Variants in IMMP2L observed in about 807,000 individuals in gnomAD.
The protein encoded by IMMP2L is mitochondrial inner membrane protease subunit 2.
A neutral mutation model predicts 19.3 loss-of-function variants in IMMP2L; 18 were observed. The observed-to-expected ratio is 0.93, with a 90% confidence interval of 0.64 to 1.38. The LOEUF (loss-of-function observed/expected upper bound fraction) is 1.38, where lower values mean the gene tolerates loss of function less well. Ranked by LOEUF, IMMP2L falls within the 40% of genes most tolerant of loss-of-function variation. IMMP2L has a pLI of 0.00. For synonymous variants in IMMP2L, 76 were observed against 73.0 expected, an observed-to-expected ratio of 1.04 and a Z score of -0.21; for missense variants, 233 against 218.2, an observed-to-expected ratio of 1.07 and a Z score of -0.43.
At chr7:111,096,296 A>G (rs1447673070) in intron 3 of IMMP2L, among the ~76,000 whole-genome samples, 1 of 151,768 alleles carries the variant, frequency 6.6e-6, no homozygotes, top group African/African-American at 2.4e-5. Flanking sequence ...TCCAGAGAGT[A>G]GAAGAAAATA....
chr7:110,763,562 C>T (rs1442786003), intron 5 of IMMP2L, among the ~76,000 whole-genome samples: 2 of 152,134 alleles, frequency 1.3e-5, no homozygotes, highest in African/African-American at 4.8e-5. Flanking sequence ...CCCACCTGAA[C>T]ACTACTAAAT....
intron 5 of IMMP2L, among the ~76,000 whole-genome samples, chr7:110,696,425 C>CTTTTTTTTTTT (rs374621101): frequency 1.1e-4 from 13 of 119,842 alleles, no homozygotes; most frequent in Non-Finnish European, 1.5e-4. Context: ...TCCTTTTTCT[C>CTTTTTTTTTTT]TTTTTTTTTT....
chr7:110,685,509 GC>G (rs1347036545), intron 5 of IMMP2L, among the ~76,000 whole-genome samples: 1 of 152,118 alleles, frequency 6.6e-6, no homozygotes, highest in East Asian at 1.9e-4. Flanking sequence ...GAAAATAGCT[GC>G]ATTATATCAT....
intron 3 of IMMP2L, among the ~76,000 whole-genome samples, chr7:111,466,475 A>G (rs542875206): frequency 1.4e-4 from 21 of 152,260 alleles, no homozygotes; most frequent in African/African-American, 4.8e-4. Flanking sequence ...AACACACACA[A>G]AACTTATTTA....
intron 3 of IMMP2L, among the ~76,000 whole-genome samples, chr7:111,223,069 T>C (rs73201090): frequency 2.6e-5 from 4 of 151,900 alleles, no homozygotes; most frequent in Non-Finnish European, 4.4e-5. Context: ...CAAAATGACA[T>C]AGAATGATAC....
chr7:111,068,989 C>A (rs1794736628), intron 3 of IMMP2L, among the ~76,000 whole-genome samples: 1 of 152,140 alleles, frequency 6.6e-6, no homozygotes, highest in South Asian at 2.1e-4. Context: ...ACTCAGCACT[C>A]AGTCTCCTTA....
chr7:110,983,974 G>A (rs1159800184), intron 3 of IMMP2L, among the ~76,000 whole-genome samples: 2 of 151,940 alleles, frequency 1.3e-5, no homozygotes, highest in Non-Finnish European at 2.9e-5. Flanking sequence ...CCCTATCTCA[G>A]CCAGTCATTA....
intron 1 of IMMP2L, among the ~76,000 whole-genome samples, chr7:111,521,930 C>T (rs1291564081): frequency 6.6e-6 from 1 of 152,056 alleles, no homozygotes; most frequent in African/African-American, 2.4e-5. Flanking sequence ...GGATATAATT[C>T]TTGGTTGCAC....
chr7:111,048,105 T>G (rs1817081807), intron 3 of IMMP2L, among the ~76,000 whole-genome samples: 1 of 151,194 alleles, frequency 6.6e-6, no homozygotes, highest in Non-Finnish European at 1.5e-5. Flanking sequence ...CCGGGCGTGG[T>G]GGCAGGCACC....
At chr7:111,414,908 T>G (rs1325451741) in intron 3 of IMMP2L, among the ~76,000 whole-genome samples, 2 of 151,840 alleles carry the variant, frequency 1.3e-5, no homozygotes, top group Non-Finnish European at 2.9e-5. Flanking sequence ...TCCTGCCCAC[T>G]GGTGCACACA....
intron 3 of IMMP2L, among the ~76,000 whole-genome samples, chr7:111,467,975 G>A (rs909221907): frequency 6.6e-6 from 1 of 152,076 alleles, no homozygotes; most frequent in Non-Finnish European, 1.5e-5. Flanking sequence ...TTGCACTTTA[G>A]AGAACTAACA....
intron 3 of IMMP2L, among the ~76,000 whole-genome samples, chr7:110,973,192 A>T (rs1563124743): frequency 6.6e-6 from 1 of 152,110 alleles, no homozygotes; most frequent in Non-Finnish European, 1.5e-5. Flanking sequence ...TATACACACA[A>T]AAAGATAAAT....
intron 3 of IMMP2L, among the ~76,000 whole-genome samples, chr7:111,239,759 T>C (rs912674902): frequency 5.3e-5 from 8 of 151,782 alleles, no homozygotes; most frequent in Admixed American, 1.3e-4. Context: ...CTGGAAAAAA[T>C]GTAGGGGGAA....
intron 3 of IMMP2L, among the ~76,000 whole-genome samples, chr7:111,397,946 A>G (rs1833037314): frequency 6.6e-6 from 1 of 152,268 alleles, no homozygotes; most frequent in East Asian, 1.9e-4. Context: ...TGGGCCTACT[A>G]TGAAATAATT....
rs184256144 is a variant in IMMP2L at position 110,992,533 on chromosome 7, T to C, written c.240-28968A>G. ...ATCTAATTTTGTTTTCTGAACAGAA[T>C]TTAAGCCATATTTGAAATTCAAATA... On this transcript the variant is annotated intron_variant, in intron 3 of 5. Transcript: ENST00000405709. 1.3e-4 allele frequency among the ~76,000 whole-genome samples: 20 copies of C among 152,074 alleles called. No homozygotes were observed. In the East Asian group the frequency reaches 3.3e-3, roughly 25 times the overall value.
rs1264559795 is a variant in IMMP2L, at chr7:111,503,522, G to C, written c.136-16181C>G. On this transcript the variant is annotated intron_variant, in intron 2 of 5. Transcript: ENST00000405709. Reference sequence around the variant, plus strand: ...GCCTGGCAGAGACACAACAAAAAAAGAGAATTTTAGACCAATATCCTTGAT... The same window carrying C: ...GCCTGGCAGAGACACAACAAAAAAACAGAATTTTAGACCAATATCCTTGAT... Among the ~76,000 whole-genome samples, 5 of 152,204 alleles carry C rather than the reference G, an allele frequency of 3.3e-5. No homozygotes were observed. In the South Asian group the frequency reaches 1.0e-3, roughly 32 times the overall value.
rs188059990 is a variant in IMMP2L at position 111,147,706 on chromosome 7, T to C, written c.240-184141A>G. ...CATAGACAGACTGTTTTAATTTTAG[T>C]GGTTGCGAGGCAGGAGCGACCACTT... On this transcript the variant is annotated intron_variant, in intron 3 of 5. Coordinates refer to ENST00000405709, the MANE Select transcript of IMMP2L (RefSeq NM_032549.4). 3.3e-5 allele frequency among the ~76,000 whole-genome samples: 5 copies of C among 152,124 alleles called. No individual in the cohort carries two copies. The East Asian group carries it at 9.7e-4, about 29-fold the overall frequency.
chr7:111,300,390 A>AT (rs932554401), intron 3 of IMMP2L, among the ~76,000 whole-genome samples: 1 of 152,050 alleles, frequency 6.6e-6, no homozygotes, highest in East Asian at 1.9e-4. Flanking sequence ...CTTTAATTAA[A>AT]TTTTTTTTAT....
intron 4 of IMMP2L, among the ~76,000 whole-genome samples, chr7:110,948,120 TGAG>T (rs1817437319): frequency 1.3e-5 from 2 of 152,220 alleles, no homozygotes; most frequent in African/African-American, 4.8e-5. Context: ...TTAGTTCTGC[TGAG>T]GAGAACCATT....
Sources: allele counts gnomAD v4.1 joint callset (sites outside exome capture counted in the v4.1 genomes callset), GRCh38; gene constraint gnomAD v4.1.1; transcripts MANE v1.5; gene names NCBI Gene and HGNC (gene_info 2026-07-23, HGNC 2026-07-21).